Variants in ADCY5 observed in about 807,000 individuals in gnomAD.
ADCY5 encodes adenylate cyclase type 5.
ADCY5 carries 30 observed loss-of-function variants against 119.7 expected under a neutral mutation model. The ratio of observed to expected loss-of-function variants is 0.25; its 90% CI spans 0.19 to 0.34. ADCY5 has a LOEUF of 0.34. Ranked by LOEUF, ADCY5 falls within the 10% of genes least tolerant of loss-of-function variation. ADCY5 has a pLI of 1.00. For missense variants in ADCY5, 1,324 were observed against 1,775.2 expected, an observed-to-expected ratio of 0.75 and a Z score of 4.57; for synonymous variants, 753 against 762.2, an observed-to-expected ratio of 0.99 and a Z score of 0.20.
intron 4 of ADCY5, among the ~76,000 whole-genome samples, chr3:123,332,188 C>G (rs1488474451): frequency 6.6e-6 from 1 of 152,228 alleles, no homozygotes; most frequent in African/African-American, 2.4e-5. Context: ...TGGCCAATCT[C>G]ATCAGGAATG....
chr3:123,431,207 T>G (rs1449370295), intron 1 of ADCY5, among the ~76,000 whole-genome samples: 1 of 152,198 alleles, frequency 6.6e-6, no homozygotes, highest in African/African-American at 2.4e-5. Context: ...ACACTTCTAG[T>G]TTACAGCGGA....
chr3:123,395,006 A>T (rs1944502143), intron 1 of ADCY5, among the ~76,000 whole-genome samples: 1 of 152,196 alleles, frequency 6.6e-6, no homozygotes, highest in South Asian at 2.1e-4. Flanking sequence ...GAAGGTTGTT[A>T]CTGAGACCCT....
intron 2 of ADCY5, among the ~76,000 whole-genome samples, chr3:123,351,642 C>T (rs1576611286): frequency 6.6e-6 from 1 of 152,306 alleles, no homozygotes; most frequent in South Asian, 2.1e-4. Flanking sequence ...CCCCAGGCCT[C>T]CCATGTGTGA....
At chr3:123,317,806 T>C (rs551198888) in intron 11 of ADCY5, among the ~76,000 whole-genome samples, 3 of 148,348 alleles carry the variant, frequency 2.0e-5, no homozygotes, top group South Asian at 4.3e-4. Context: ...CTAGTGAGAG[T>C]TGCCCACCCT....
At chr3:123,324,845 A>T (rs1016902492) in intron 8 of ADCY5, among the ~76,000 whole-genome samples, 4 of 152,208 alleles carry the variant, frequency 2.6e-5, no homozygotes, top group Admixed American at 1.3e-4. Flanking sequence ...ACCACCTGGC[A>T]CTTCCCAGAA....
chr3:123,371,256 T>C (rs1305391049), intron 1 of ADCY5, among the ~76,000 whole-genome samples: 1 of 152,228 alleles, frequency 6.6e-6, no homozygotes, highest in African/African-American at 2.4e-5. Flanking sequence ...AACTTAACCT[T>C]AGTAAACCTC....
intron 18 of ADCY5, among the ~76,000 whole-genome samples, chr3:123,290,382 C>G (rs1469764256): frequency 6.6e-6 from 1 of 152,352 alleles, no homozygotes; most frequent in Middle Eastern, 3.4e-3. Flanking sequence ...CATCACTCCA[C>G]TGCCCCGGGA....
At chr3:123,379,162 A>G (rs1181406451) in intron 1 of ADCY5, among the ~76,000 whole-genome samples, 1 of 152,080 alleles carries the variant, frequency 6.6e-6, no homozygotes, top group Non-Finnish European at 1.5e-5. Context: ...GTTCACTTTA[A>G]TACACGCCTG....
intron 1 of ADCY5, among the ~76,000 whole-genome samples, chr3:123,361,687 GA>G (rs1331486489): frequency 6.6e-6 from 1 of 152,170 alleles, no homozygotes; most frequent in Middle Eastern, 3.2e-3. Flanking sequence ...CTAGGGACCA[GA>G]AGTGTTTCAT....
intron 3 of ADCY5, among the ~76,000 whole-genome samples, chr3:123,335,304 C>T (rs1301700795): frequency 1.3e-5 from 2 of 152,212 alleles, no homozygotes; most frequent in African/African-American, 4.8e-5. Flanking sequence ...GGTGTGTCTC[C>T]TCCTCGTGGG....
chr3:123,345,986 A>T (rs1267114085), intron 3 of ADCY5, among the ~76,000 whole-genome samples: 1 of 152,242 alleles, frequency 6.6e-6, no homozygotes, highest in East Asian at 1.9e-4. Context: ...TTAACCAACG[A>T]GAGGACAAGT....
intron 1 of ADCY5, among the ~76,000 whole-genome samples, chr3:123,423,184 C>A (rs1320708165): frequency 1.3e-5 from 2 of 152,114 alleles, no homozygotes; most frequent in African/African-American, 4.8e-5. Flanking sequence ...GCCGGCCCAT[C>A]CCACACTCAC....
At chr3:123,424,201 T>G (rs949236230) in intron 1 of ADCY5, among the ~76,000 whole-genome samples, 2 of 152,174 alleles carry the variant, frequency 1.3e-5, no homozygotes, top group African/African-American at 4.8e-5. Flanking sequence ...TGAGATGGAA[T>G]GGTGGGCAGG....
intron 1 of ADCY5, among the ~76,000 whole-genome samples, chr3:123,377,979 C>G (rs1943897380): frequency 1.4e-5 from 2 of 144,934 alleles, no homozygotes. Flanking sequence ...TGAATGGATA[C>G]ATGAATGAAT....
intron 1 of ADCY5, among the ~76,000 whole-genome samples, chr3:123,423,907 C>A (rs1018201290): frequency 2.5e-4 from 38 of 152,226 alleles, no homozygotes; most frequent in African/African-American, 9.2e-4. Flanking sequence ...GAGCACCGTT[C>A]CCATCTCTTC....
intron 8 of ADCY5, among the ~76,000 whole-genome samples, chr3:123,324,047 G>T (rs1941353312): frequency 6.6e-6 from 1 of 152,234 alleles, no homozygotes; most frequent in African/African-American, 2.4e-5. Flanking sequence ...ATTCAAGTTT[G>T]GAGCCCTGGG....
chr3:123,400,175 G>A (rs1032014145), intron 1 of ADCY5, among the ~76,000 whole-genome samples: 3 of 152,208 alleles, frequency 2.0e-5, no homozygotes, highest in Admixed American at 6.5e-5. Context: ...AACAGAATCT[G>A]TGGGTCTGGG....
intron 1 of ADCY5, among the ~76,000 whole-genome samples, chr3:123,408,793 T>G (rs1291623152): frequency 6.6e-6 from 1 of 152,004 alleles, no homozygotes; most frequent in Non-Finnish European, 1.5e-5. Flanking sequence ...CTGGCCAACA[T>G]GGTGAAACCC....
chr3:123,321,195 A>G (rs187007161), intron 8 of ADCY5, among the ~76,000 whole-genome samples: 411 of 152,288 alleles, frequency 2.7e-3, no homozygotes, highest in African/African-American at 9.2e-3. Context: ...ACACTCATGC[A>G]CACTCACCTC....
Sources: gnomAD v4.1 joint callset for allele counts (sites outside exome capture counted in the v4.1 genomes callset) on GRCh38, gnomAD v4.1.1 for gene constraint, MANE v1.5 for transcripts, NCBI Gene and HGNC (gene_info 2026-07-23, HGNC 2026-07-21) for gene names.